The following TDRD12 variants were observed in gnomAD, a reference collection of about 807,000 sequenced individuals.
TDRD12 encodes tudor domain containing 12.
A neutral mutation model predicts 133.5 loss-of-function variants in TDRD12; 158 were observed. The observed-to-expected ratio is 1.18, with a 90% CI of 1.04 to 1.35. The LOEUF (loss-of-function observed/expected upper bound fraction) is 1.35, where lower values mean the gene tolerates loss of function less well. TDRD12 is among the 40% of genes most tolerant of loss of function. The probability of loss-of-function intolerance (pLI) is 0.00; values close to 1 mark genes in which losing one functional copy is unlikely to be tolerated. For missense variants in TDRD12, 1,443 were observed against 1,321.3 expected (o/e 1.09, Z -1.43); for synonymous variants, 460 against 477.9 (o/e 0.96, Z 0.49).
chr19:32,808,655 A>G (rs1966897307), intron 22 of TDRD12, among the ~76,000 whole-genome samples: 1 of 152,202 alleles, frequency 6.6e-6, no homozygotes, highest in African/African-American at 2.4e-5. Flanking sequence ...GGGTTAGGAC[A>G]TGGACATACC....
chr19:32,766,621 A>AT (rs546716841), intron 8 of TDRD12, among the ~76,000 whole-genome samples: 37,291 of 147,480 alleles, frequency 0.25, 4,909 homozygotes, highest in Middle Eastern at 0.34. Context: ...ATTAGCCATA[A>AT]TTTTTTTTTT....
chr19:32,792,105 G>A (rs754968869), intron 13 of TDRD12, among the ~76,000 whole-genome samples: 1 of 152,072 alleles, frequency 6.6e-6, no homozygotes, highest in Non-Finnish European at 1.5e-5. Flanking sequence ...AATTCGCCAG[G>A]CATGGTGGTA....
At chr19:32,739,518 C>CTGCATCTCCTGGGGCTCTCTT (rs1278580115) in intron 3 of TDRD12, among the ~76,000 whole-genome samples, 52 of 147,588 alleles carry the variant, frequency 3.5e-4, no homozygotes, top group Non-Finnish European at 5.5e-4. Flanking sequence ...TGGCTGCTCT[C>CTGCATCTCCTGGGGCTCTCTT]TGCATCTCCT....
At chr19:32,805,015 T>C (rs967766293) in intron 21 of TDRD12, among the ~76,000 whole-genome samples, 22 of 151,990 alleles carry the variant, frequency 1.4e-4, no homozygotes, top group African/African-American at 4.8e-4. Flanking sequence ...TTTGTATGTA[T>C]GACCAGGTAT....
intron 6 of TDRD12, among the ~76,000 whole-genome samples, chr19:32,750,248 G>C (rs1216437450): frequency 6.6e-6 from 1 of 152,058 alleles, no homozygotes; most frequent in Non-Finnish European, 1.5e-5. Flanking sequence ...ATCACAAGCA[G>C]AAAGAAAGCG....
intron 4 of TDRD12, among the ~76,000 whole-genome samples, chr19:32,743,789 G>A (rs1969507204): frequency 6.6e-6 from 1 of 152,090 alleles, no homozygotes; most frequent in Non-Finnish European, 1.5e-5. Flanking sequence ...AGCACTTTGG[G>A]AGGCCAAGGC....
chr19:32,726,370 C>T (rs1968861477), intron 1 of TDRD12, among the ~76,000 whole-genome samples: 1 of 152,198 alleles, frequency 6.6e-6, no homozygotes, highest in African/African-American at 2.4e-5. Flanking sequence ...TGAACCACCA[C>T]ACCCAGTCAA....
At chr19:32,748,557 C>T (rs1269670268) in intron 5 of TDRD12, 26 bp downstream of exon 5, 1 of 1,544,212 alleles carries the variant, frequency 6.5e-7, no homozygotes, top group Non-Finnish European at 8.8e-7. Context: ...ATCACTGCAG[C>T]CTGCCTGGAA....
intron 8 of TDRD12, among the ~76,000 whole-genome samples, chr19:32,771,374 G>T (rs1320202614): frequency 6.6e-6 from 1 of 152,110 alleles, no homozygotes; most frequent in African/African-American, 2.4e-5. Context: ...TCAGCAGGCT[G>T]GTCTTGAACT....
At chr19:32,787,364 G>T (rs1012568283) in intron 11 of TDRD12, among the ~76,000 whole-genome samples, 1 of 152,184 alleles carries the variant, frequency 6.6e-6, no homozygotes, top group Non-Finnish European at 1.5e-5. Context: ...TCCCAGTCAG[G>T]CTACACATGA....
intron 27 of TDRD12, among the ~76,000 whole-genome samples, chr19:32,818,606 G>A (rs777442729): frequency 6.6e-6 from 1 of 152,194 alleles, no homozygotes; most frequent in African/African-American, 2.4e-5. Context: ...TAGAGCTGAC[G>A]GGGCTCCAGG....
chr19:32,815,906 A>G (rs963041137), intron 26 of TDRD12, among the ~76,000 whole-genome samples: 2 of 152,098 alleles, frequency 1.3e-5, no homozygotes, highest in Non-Finnish European at 2.9e-5. Flanking sequence ...AAGCAGGAGA[A>G]TCGCTTGAAC....
intron 14 of TDRD12, among the ~76,000 whole-genome samples, chr19:32,795,029 G>A (rs943437913): frequency 6.6e-6 from 1 of 152,080 alleles, no homozygotes; most frequent in Non-Finnish European, 1.5e-5. Flanking sequence ...GCCATTGGCT[G>A]AGGCTTTTAG....
chr19:32,821,838 G>A (rs555960214), downstream of TDRD12, among the ~76,000 whole-genome samples: 12 of 152,312 alleles, frequency 7.9e-5, no homozygotes, highest in South Asian at 4.1e-4. Flanking sequence ...ATTGCACAGC[G>A]CCTCAGCAAA....
chr19:32,805,934 G>A (rs113080581), intron 21 of TDRD12, among the ~76,000 whole-genome samples: 11,178 of 151,884 alleles, frequency 0.074, 712 homozygotes, highest in East Asian at 0.23. Context: ...GTTTCACCAT[G>A]TTGGCCAGGC....
At chr19:32,790,992 C>G in exon 13 of TDRD12, 3 of 1,536,078 alleles carry the variant, frequency 2.0e-6, no homozygotes, top group Non-Finnish European at 2.6e-6. Context: ...CTGCAGCCGC[C>G]CGTGGTAGTG....
chr19:32,757,105 C>G, exon 8 of TDRD12: 1 of 1,551,776 alleles, frequency 6.4e-7, no homozygotes, highest in African/African-American at 1.4e-5. Context: ...TTGTCGGTGA[C>G]CTCAGGCCAA....
intron 21 of TDRD12, among the ~76,000 whole-genome samples, chr19:32,804,274 A>G (rs1211305461): frequency 1.3e-5 from 2 of 150,972 alleles, no homozygotes; most frequent in Non-Finnish European, 1.5e-5. Flanking sequence ...GGGTTTCACC[A>G]TGTTAGCCAG....
chr19:32,780,084 C>CTTTTTTTTTTTTTTT (rs11395360), intron 11 of TDRD12, among the ~76,000 whole-genome samples: 1 of 127,776 alleles, frequency 7.8e-6, no homozygotes, highest in African/African-American at 2.9e-5. Context: ...TTTTTCTTTT[C>CTTTTTTTTTTTTTTT]TTTTTTTTTT....
Sources: allele counts gnomAD v4.1 joint callset (sites outside exome capture counted in the v4.1 genomes callset), GRCh38; gene constraint gnomAD v4.1.1; transcripts MANE v1.5; gene names NCBI Gene and HGNC (gene_info 2026-07-23, HGNC 2026-07-21).